ARHGEF9: variants seen among roughly 807,000 people sequenced by gnomAD.
ARHGEF9 encodes the protein rho guanine nucleotide exchange factor 9.
A neutral mutation model predicts 41.3 loss-of-function variants in ARHGEF9; 2 were observed. The observed-to-expected ratio is 0.05, with a 90% CI of 0.02 to 0.15. The LOEUF (loss-of-function observed/expected upper bound fraction) is 0.15, where lower values mean the gene tolerates loss of function less well. ARHGEF9 is among the 10% of genes least tolerant of loss of function. The pLI, the probability that ARHGEF9 is intolerant of heterozygous loss-of-function variation, is 1.00. For synonymous variants in ARHGEF9, 160 were observed against 154.4 expected (o/e 1.04, Z -0.27); for missense variants, 225 against 424.7 (o/e 0.53, Z 4.13).
intron 2 of ARHGEF9, chrX:63,713,064 G>A (rs1401540269): frequency 1.4e-4 from 16 of 111,468 alleles, no homozygotes; most frequent in Admixed American, 6.7e-4. Context: ...AAGGCTCAAG[G>A]AGTGTCTTAG....
At chrX:63,697,597 G>T (rs1484871459) in intron 3 of ARHGEF9, among the ~76,000 whole-genome samples, 1 of 111,214 alleles carries the variant, frequency 9.0e-6, no homozygotes, top group Non-Finnish European at 1.9e-5. Flanking sequence ...CAAGAAGCTG[G>T]TTGAGCACAT....
chrX:63,684,763 G>A (rs2050876351), intron 4 of ARHGEF9, among the ~76,000 whole-genome samples: 1 of 109,608 alleles, frequency 9.1e-6, no homozygotes, highest in South Asian at 3.9e-4. Flanking sequence ...CAGAGACACA[G>A]AATAGAATAT....
At chrX:63,643,593 C>T (rs1457731800) in intron 9 of ARHGEF9, among the ~76,000 whole-genome samples, 9 of 110,406 alleles carry the variant, frequency 8.2e-5, no homozygotes, top group Admixed American at 3.9e-4. Flanking sequence ...GATCCGCCTG[C>T]CTCGGCCTCC....
At position 63,635,371 on chromosome X, in the gene ARHGEF9, G is replaced by T. The variant is rs1222181475; in HGVS notation, c.*2657C>A. On this transcript the variant is annotated 3_prime_UTR_variant, in exon 10 of 10. Coordinates refer to ENST00000671741, the MANE Select transcript of ARHGEF9 (RefSeq NM_001353921.2). The stretch of plus-strand genomic sequence containing the variant: ...GAACACACTAGCAAAGCCTTTTGGA[G>T]AGCAAATCCTGGCCTCACTGAGTTG... 23 of 520,063 alleles carry T rather than the reference G, an allele frequency of 4.4e-5. No homozygotes were observed. The highest frequency in any genetic ancestry group is 8.2e-5 in the Admixed American group (3 of 36,386). 42.9% of individuals were successfully genotyped at this position (520,063 alleles called of 1,213,427 possible).
At chrX:63,695,522 G>A (rs1477384592) in intron 4 of ARHGEF9, among the ~76,000 whole-genome samples, 1 of 112,085 alleles carries the variant, frequency 8.9e-6, no homozygotes, top group Non-Finnish European at 1.9e-5. Context: ...AATGGAACCA[G>A]AAGGTCATAC....
rs373484153 is a variant in ARHGEF9, at chrX:63,635,593, G to T, written c.*2435C>A. On this transcript the variant is annotated 3_prime_UTR_variant, in exon 10 of 10. Coordinates refer to ENST00000671741, the MANE Select transcript of ARHGEF9 (RefSeq NM_001353921.2). ...CCAACCAATGGGGAAATGATTTCTT[G>T]TTGTTCACAAATTAGTGGCATCAGG... 2.6e-5 allele frequency: 11 copies of T among 415,161 alleles called. No homozygotes were observed. The East Asian group carries it at 3.6e-4, about 13-fold the overall frequency. The allele number at this position is 415,161 out of a possible 1,213,427, so 34.2% of individuals were successfully genotyped here. A position where few individuals can be genotyped will look rare whatever the true frequency, so the allele number is the denominator to read the frequency against.
At chrX:63,695,317 T>A (rs1311366208) in intron 4 of ARHGEF9, among the ~76,000 whole-genome samples, 2 of 112,084 alleles carry the variant, frequency 1.8e-5, no homozygotes, top group Admixed American at 1.9e-4. Context: ...TACATACATC[T>A]AGTCTTCGGT....
chrX:63,710,074 G>T (rs2052813028), intron 2 of ARHGEF9, among the ~76,000 whole-genome samples: 1 of 109,597 alleles, frequency 9.1e-6, no homozygotes, highest in African/African-American at 3.3e-5. Context: ...ATGGATGAAA[G>T]AAGAAATATT....
intron 6 of ARHGEF9, among the ~76,000 whole-genome samples, chrX:63,671,710 T>C (rs1266341831): frequency 1.8e-5 from 2 of 112,490 alleles, no homozygotes; most frequent in Non-Finnish European, 3.8e-5. Context: ...TGAGAGTATG[T>C]GTACATGTGC....
At chrX:63,688,411 C>G (rs1311422367) in intron 4 of ARHGEF9, among the ~76,000 whole-genome samples, 1 of 111,845 alleles carries the variant, frequency 8.9e-6, no homozygotes, top group Non-Finnish European at 1.9e-5. Context: ...TAATATGTAT[C>G]AAGAAAACAC....
intron 4 of ARHGEF9, among the ~76,000 whole-genome samples, chrX:63,687,007 C>T (rs1433726713): frequency 9.6e-6 from 1 of 103,870 alleles, no homozygotes; most frequent in Non-Finnish European, 2.0e-5. Context: ...TAAGAAGCCT[C>T]TTGAATGCCT....
chrX:63,672,377 G>A (rs1163198696), intron 6 of ARHGEF9, among the ~76,000 whole-genome samples: 6 of 110,168 alleles, frequency 5.4e-5, no homozygotes, highest in Admixed American at 9.8e-5. Flanking sequence ...AAGCAGGAGC[G>A]TACAAGGGAT....
At chrX:63,771,313 T>C (rs782660075) in intron 1 of ARHGEF9, among the ~76,000 whole-genome samples, 1 of 112,335 alleles carries the variant, frequency 8.9e-6, no homozygotes, top group Admixed American at 9.4e-5. Context: ...ATTATTCACT[T>C]AAATTCATAT....
chrX:63,648,962 A>T (rs1479737377), intron 8 of ARHGEF9, among the ~76,000 whole-genome samples: 1 of 111,407 alleles, frequency 9.0e-6, no homozygotes, highest in Non-Finnish European at 1.9e-5. Context: ...AAGTCCTTAG[A>T]GATCTACAAA....
At chrX:63,771,206 G>T in intron 1 of ARHGEF9, among the ~76,000 whole-genome samples, 1 of 111,921 alleles carries the variant, frequency 8.9e-6, no homozygotes, top group East Asian at 2.8e-4. Flanking sequence ...AATACCAAAT[G>T]AATGTGAAGG....
At chrX:63,660,351 G>A (rs1326838374) in intron 7 of ARHGEF9, among the ~76,000 whole-genome samples, 6 of 111,203 alleles carry the variant, frequency 5.4e-5, no homozygotes, top group Non-Finnish European at 9.4e-5. Flanking sequence ...TGAGTACACA[G>A]GGACACAAAG....
At chrX:63,666,135 TAGAGAC>T in intron 6 of ARHGEF9, 118 bp from the exon 7 acceptor site, 1 of 982,042 alleles carries the variant, frequency 1.0e-6, no homozygotes, top group Non-Finnish European at 1.4e-6. Context: ...AAGGGCCTGG[TAGAGAC>T]AGAGGGAGAG....
intron 1 of ARHGEF9, chrX:63,755,950 G>A: frequency 1.8e-6 from 1 of 566,726 alleles, no homozygotes; most frequent in Non-Finnish European, 2.1e-6. Context: ...CATTCGCCAT[G>A]GAAAATCCTC....
intron 4 of ARHGEF9, among the ~76,000 whole-genome samples, chrX:63,684,919 G>GA (rs1296378486): frequency 0.012 from 1,184 of 99,522 alleles, 15 homozygotes; most frequent in South Asian, 0.033. Flanking sequence ...GAATCAAAAG[G>GA]AAAAAAAAAA....
Sources: gnomAD v4.1 joint callset for allele counts (sites outside exome capture counted in the v4.1 genomes callset) on GRCh38, gnomAD v4.1.1 for gene constraint, MANE v1.5 for transcripts, NCBI Gene and HGNC (gene_info 2026-07-23, HGNC 2026-07-21) for gene names.